CFAP61: variants seen among roughly 807,000 people sequenced by gnomAD.
The protein encoded by CFAP61 is cilia- and flagella-associated protein 61.
In CFAP61, 107 loss-of-function variants were observed where a neutral mutation model predicts 135.6. The ratio of observed to expected loss-of-function variants is 0.79; its 90% confidence interval spans 0.67 to 0.93. The LOEUF (loss-of-function observed/expected upper bound fraction) is 0.93. Among genes scored for constraint, CFAP61 ranks in the 40% least tolerant of loss-of-function variants. The pLI is 0.00. For missense variants in CFAP61, 1,507 were observed against 1,556.2 expected, an observed-to-expected ratio of 0.97 and a Z score of 0.53; for synonymous variants, 575 against 578.5, an observed-to-expected ratio of 0.99 and a Z score of 0.09.
At chr20:20,261,781 G>C (rs543548832) in intron 20 of CFAP61, among the ~76,000 whole-genome samples, 1 of 152,112 alleles carries the variant, frequency 6.6e-6, no homozygotes, top group Admixed American at 6.6e-5. Context: ...ATGGAACTCA[G>C]TCATGGCTGA....
chr20:20,203,600 C>T (rs2056728920), intron 17 of CFAP61, among the ~76,000 whole-genome samples: 1 of 152,134 alleles, frequency 6.6e-6, no homozygotes, highest in African/African-American at 2.4e-5. Flanking sequence ...CATCCATCCC[C>T]TCAAGTATTT....
intron 25 of CFAP61, among the ~76,000 whole-genome samples, chr20:20,299,872 G>T (rs1214527447): frequency 2.6e-5 from 4 of 152,198 alleles, no homozygotes; most frequent in Admixed American, 6.5e-5. Context: ...TTCATGTGCA[G>T]AATCTCTCTA....
chr20:20,245,898 G>A (rs2050417980), intron 18 of CFAP61, among the ~76,000 whole-genome samples: 1 of 152,176 alleles, frequency 6.6e-6, no homozygotes, highest in African/African-American at 2.4e-5. Context: ...TTACTAATGT[G>A]TAGCTTTTTG....
intron 3 of CFAP61, among the ~76,000 whole-genome samples, chr20:20,073,513 A>C (rs1042251790): frequency 6.6e-6 from 1 of 152,234 alleles, no homozygotes; most frequent in Non-Finnish European, 1.5e-5. Context: ...GTCCTGATAT[A>C]GGTACCAGCA....
chr20:20,071,863 T>C (rs1024132240), intron 3 of CFAP61, among the ~76,000 whole-genome samples: 1 of 152,224 alleles, frequency 6.6e-6, no homozygotes, highest in African/African-American at 2.4e-5. Flanking sequence ...TAAGGACTAT[T>C]GTCAGAAAAA....
chr20:20,303,710 C>T (rs1474681031), intron 25 of CFAP61, among the ~76,000 whole-genome samples: 2 of 152,144 alleles, frequency 1.3e-5, no homozygotes, highest in African/African-American at 4.8e-5. Flanking sequence ...ACCTTGGCAG[C>T]ATCAGCAACG....
intron 8 of CFAP61, among the ~76,000 whole-genome samples, chr20:20,131,163 T>TC (rs2050496521): frequency 6.6e-6 from 1 of 151,796 alleles, no homozygotes; most frequent in Non-Finnish European, 1.5e-5. Context: ...ACTGTCTCTT[T>TC]CTCATATTTG....
intron 13 of CFAP61, among the ~76,000 whole-genome samples, chr20:20,175,200 C>T (rs750569006): frequency 6.6e-6 from 1 of 152,226 alleles, no homozygotes; most frequent in African/African-American, 2.4e-5. Context: ...TGTACGGCCA[C>T]CATGGACCGT....
chr20:20,348,201 C>T (rs2058700764), intron 26 of CFAP61, among the ~76,000 whole-genome samples: 1 of 152,094 alleles, frequency 6.6e-6, no homozygotes, highest in Non-Finnish European at 1.5e-5. Flanking sequence ...TAGACAAAGA[C>T]ACTGCAAGAA....
intron 8 of CFAP61, among the ~76,000 whole-genome samples, chr20:20,112,914 C>T (rs1363393248): frequency 1.3e-5 from 2 of 152,012 alleles, no homozygotes; most frequent in African/African-American, 2.4e-5. Flanking sequence ...TTAATCTTCT[C>T]TTTTATCTGA....
At chr20:20,237,399 G>A (rs2049677274) in intron 18 of CFAP61, among the ~76,000 whole-genome samples, 1 of 152,148 alleles carries the variant, frequency 6.6e-6, no homozygotes, top group Non-Finnish European at 1.5e-5. Context: ...GCCACCCAAG[G>A]TGGAGCTGGG....
intron 6 of CFAP61, among the ~76,000 whole-genome samples, chr20:20,088,557 C>T (rs796533368): frequency 2.0e-5 from 3 of 152,250 alleles, no homozygotes; most frequent in African/African-American, 7.2e-5. Context: ...CAGTCACCCC[C>T]ATGATTCAAT....
chr20:20,128,839 A>G (rs2050279862), intron 8 of CFAP61, among the ~76,000 whole-genome samples: 1 of 151,702 alleles, frequency 6.6e-6, no homozygotes, highest in African/African-American at 2.4e-5. Context: ...TTATTTTTAA[A>G]AGATGACAGC....
chr20:20,254,561 C>T (rs1010087454), intron 20 of CFAP61, among the ~76,000 whole-genome samples: 8 of 152,064 alleles, frequency 5.3e-5, no homozygotes. Context: ...AAAGGGAGTT[C>T]CAATTTAATT....
In CFAP61 at chr20:20,251,706, C is replaced by G. The variant is rs2146985475; in HGVS notation, c.2271C>G (p.Ser757=). The change falls in exon 20 of 27, where the codon TCC becomes TCG. Residue 757 remains serine, a synonymous_variant. Transcript: ENST00000245957. ...IDRAAKHVVL[S]TDEIVPYDHL... ...GAGCAGCCAAGCACGTTGTGCTTTC[C>G]ACGGACGAGATCGTGCCCTACGACC... 1 of 1,614,194 alleles carries G rather than the reference C, an allele frequency of 6.2e-7. No individual in the cohort carries two copies. The highest frequency in any genetic ancestry group is 8.5e-7 in the Non-Finnish European group (1 of 1,180,042).
intron 17 of CFAP61, among the ~76,000 whole-genome samples, chr20:20,218,821 G>A (rs2048208796): frequency 6.6e-6 from 1 of 152,188 alleles, no homozygotes; most frequent in Non-Finnish European, 1.5e-5. Context: ...TAAAGTTTTG[G>A]TGGTAGAATT....
At chr20:20,223,087 T>A (rs1435789572) in intron 17 of CFAP61, among the ~76,000 whole-genome samples, 4 of 152,146 alleles carry the variant, frequency 2.6e-5, no homozygotes, top group African/African-American at 9.7e-5. Flanking sequence ...GAGCTGAAAA[T>A]TGAGCTCATT....
intron 6 of CFAP61, among the ~76,000 whole-genome samples, chr20:20,089,098 C>T (rs1568872840): frequency 6.6e-6 from 1 of 152,150 alleles, no homozygotes; most frequent in African/African-American, 2.4e-5. Context: ...ACTCCCCTCT[C>T]AACTCTTTTG....
At chr20:20,315,728 A>G (rs1315515471) in intron 25 of CFAP61, among the ~76,000 whole-genome samples, 2 of 152,212 alleles carry the variant, frequency 1.3e-5, no homozygotes, top group African/African-American at 4.8e-5. Context: ...GGTGTAAGGA[A>G]GGGATCCAGT....
Sources: allele counts gnomAD v4.1 joint callset (sites outside exome capture counted in the v4.1 genomes callset), GRCh38; gene constraint gnomAD v4.1.1; transcripts MANE v1.5; gene names NCBI Gene and HGNC (gene_info 2026-07-23, HGNC 2026-07-21).